The following TACR3 variants were observed in gnomAD, a reference collection of about 807,000 sequenced individuals.
The protein encoded by TACR3 is tachykinin receptor 3.
A neutral mutation model predicts 35.0 loss-of-function variants in TACR3; 34 were observed. The ratio of observed to expected loss-of-function variants is 0.97; its 90% confidence interval spans 0.74 to 1.30. The LOEUF (loss-of-function observed/expected upper bound fraction) is 1.30, where lower values mean the gene tolerates loss of function less well. Ranked by LOEUF, TACR3 falls within the 50% of genes most tolerant of loss-of-function variation. The pLI, the probability that TACR3 is intolerant of heterozygous loss-of-function variation, is 0.00. For synonymous variants in TACR3, 233 were observed against 221.1 expected (o/e 1.05, Z -0.48); for missense variants, 558 against 591.7 (o/e 0.94, Z 0.59).
chr4:103,694,354 T>C (rs1411134521), intron 1 of TACR3, among the ~76,000 whole-genome samples: 1 of 144,300 alleles, frequency 6.9e-6, no homozygotes, highest in East Asian at 1.9e-4. Context: ...TGAAGATTAC[T>C]TCATGGTAGT....
Position 103,656,343 on chromosome 4 carries a change from A to T in TACR3, c.739T>A (p.Tyr247Asn). 6.2e-7 allele frequency: 1 copy of T among 1,612,106 alleles called. No individual in the cohort carries two copies. Among genetic ancestry groups the T allele is most frequent in the Non-Finnish European group, 8.5e-7 (1 of 1,178,658 alleles). ...ACCAGTATAATGACGATAATATGGT[A>T]ACTATGAAAAATAAGAAAAACACAT... Reference protein sequence around the residue: ...WPEGPKQHFTYHIIVIILVYC... With the variant: ...WPEGPKQHFTNHIIVIILVYC... Residue 247 changes from tyrosine (Y) to asparagine (N), a missense_variant and splice_region_variant, in exon 3 of 5, where the codon TAC becomes AAC. Coordinates refer to ENST00000304883, the MANE Select transcript of TACR3 (RefSeq NM_001059.3).
At chr4:103,676,627 C>T (rs1460581894) in intron 1 of TACR3, among the ~76,000 whole-genome samples, 3 of 152,148 alleles carry the variant, frequency 2.0e-5, no homozygotes, top group Non-Finnish European at 4.4e-5. Flanking sequence ...AAAGGATTCT[C>T]TATTTCATAA....
intron 3 of TACR3, among the ~76,000 whole-genome samples, chr4:103,633,010 T>C (rs993493583): frequency 5.3e-5 from 8 of 151,646 alleles, no homozygotes; most frequent in African/African-American, 1.9e-4. Context: ...AAAGTGTTAG[T>C]ATGATGATAT....
At position 103,587,317 on chromosome 4, in the gene TACR3, G is replaced by GAATTT. The variant is rs1336768433; in HGVS notation, c.*2364_*2365insAAATT. On this transcript the variant is annotated 3_prime_UTR_variant, in exon 5 of 5. Transcript: ENST00000304883. ...TAAAAAATTCTGCCTATAGGTCTCA[G>GAATTT]TTTAAGGGCCATGAGTAGTGAGTGA... The GAATTT allele has an allele frequency of 6.6e-6, 1 of 152,020 alleles. No individual in the cohort carries two copies. Among genetic ancestry groups the GAATTT allele is most frequent in the Non-Finnish European group, 1.5e-5 (1 of 67,982 alleles). The allele number at this position is 152,020 out of a possible 1,614,324, so 9.4% of individuals were successfully genotyped here.
intron 3 of TACR3, among the ~76,000 whole-genome samples, chr4:103,649,860 G>A (rs187373093): frequency 6.6e-6 from 1 of 152,158 alleles, no homozygotes; most frequent in East Asian, 1.9e-4. Context: ...TTAGTTCATT[G>A]CATGAGGTCA....
intron 3 of TACR3, among the ~76,000 whole-genome samples, chr4:103,602,670 C>T (rs760296510): frequency 3.3e-5 from 5 of 152,140 alleles, no homozygotes; most frequent in Non-Finnish European, 5.9e-5. Flanking sequence ...ACCCTGTTTG[C>T]CTGGGTATCA....
intron 1 of TACR3, among the ~76,000 whole-genome samples, chr4:103,695,830 G>A (rs543321911): frequency 5.9e-5 from 9 of 151,612 alleles, no homozygotes; most frequent in Non-Finnish European, 1.0e-4. Context: ...ATTGTAGTTC[G>A]CCAAGAATTC....
intron 1 of TACR3, among the ~76,000 whole-genome samples, chr4:103,686,751 C>A (rs917505947): frequency 6.6e-6 from 1 of 152,068 alleles, no homozygotes; most frequent in East Asian, 1.9e-4. Context: ...ACCATTAATA[C>A]GTTTAGAGAA....
At chr4:103,604,527 A>G (rs929809651) in intron 3 of TACR3, among the ~76,000 whole-genome samples, 13 of 152,226 alleles carry the variant, frequency 8.5e-5, no homozygotes, top group Admixed American at 5.9e-4. Flanking sequence ...AACAAAAGCC[A>G]AAATTGACAA....
intron 1 of TACR3, among the ~76,000 whole-genome samples, chr4:103,696,351 G>A (rs531740494): frequency 6.6e-6 from 1 of 151,852 alleles, no homozygotes; most frequent in South Asian, 2.1e-4. Flanking sequence ...AATACATAGA[G>A]AAATGAAAAA....
chr4:103,706,329 A>G (rs982482983), intron 1 of TACR3, among the ~76,000 whole-genome samples: 6 of 152,166 alleles, frequency 3.9e-5, no homozygotes, highest in African/African-American at 1.4e-4. Flanking sequence ...TGCTTCTTTG[A>G]GTTTTAAGCC....
At chr4:103,631,133 C>T (rs1405458237) in intron 3 of TACR3, among the ~76,000 whole-genome samples, 2 of 152,014 alleles carry the variant, frequency 1.3e-5, no homozygotes, top group Non-Finnish European at 2.9e-5. Flanking sequence ...ACGATGAGAA[C>T]ACTGGGACAC....
chr4:103,676,776 C>T (rs1726180366), intron 1 of TACR3, among the ~76,000 whole-genome samples: 1 of 152,096 alleles, frequency 6.6e-6, no homozygotes, highest in African/African-American at 2.4e-5. Context: ...ACAATCTAGG[C>T]AATACCATTC....
At chr4:103,608,310 A>G (rs769362297) in intron 3 of TACR3, among the ~76,000 whole-genome samples, 15 of 152,132 alleles carry the variant, frequency 9.9e-5, no homozygotes, top group Non-Finnish European at 1.6e-4. Flanking sequence ...ACCGAAATAG[A>G]AAACGAGATA....
chr4:103,675,710 G>A (rs1488565294), intron 1 of TACR3, among the ~76,000 whole-genome samples: 9 of 152,120 alleles, frequency 5.9e-5, no homozygotes, highest in Non-Finnish European at 1.5e-5. Flanking sequence ...ACTCCTGAAA[G>A]GAAGGAGTGG....
In TACR3 at chr4:103,623,400, A is replaced by G. The variant is rs1000068055; in HGVS notation, c.889-31717T>C. Among the ~76,000 whole-genome samples, 28 of 151,246 alleles carry G rather than the reference A, an allele frequency of 1.9e-4. 1 individual carries two copies. Among genetic ancestry groups the G allele is most frequent in the Non-Finnish European group, 3.0e-5 (2 of 67,372 alleles). ...TTTTCTCTATTTTTTTTTAATTAAC[A>G]ACTTCATATGCTGGAAAATAGTTTT... On this transcript the variant is annotated intron_variant, in intron 3 of 4. Coordinates refer to ENST00000304883, the MANE Select transcript of TACR3 (RefSeq NM_001059.3).
intron 1 of TACR3, among the ~76,000 whole-genome samples, chr4:103,707,396 C>T (rs539240526): frequency 6.6e-6 from 1 of 152,294 alleles, no homozygotes; most frequent in Admixed American, 6.5e-5. Context: ...ATATATATAA[C>T]AACCTGGTCT....
chr4:103,657,477 A>G (rs1725754417), intron 2 of TACR3, among the ~76,000 whole-genome samples: 1 of 152,102 alleles, frequency 6.6e-6, no homozygotes, highest in Non-Finnish European at 1.5e-5. Flanking sequence ...AACTTTGGGT[A>G]GAGCAAAGGT....
chr4:103,674,696 C>CG (rs1726128397), intron 1 of TACR3, among the ~76,000 whole-genome samples: 1 of 152,146 alleles, frequency 6.6e-6, no homozygotes, highest in Non-Finnish European at 1.5e-5. Context: ...AGACTGCAGG[C>CG]GCACACCTCC....
Sources: allele counts gnomAD v4.1 joint callset (sites outside exome capture counted in the v4.1 genomes callset), GRCh38; gene constraint gnomAD v4.1.1; transcripts MANE v1.5; gene names NCBI Gene and HGNC (gene_info 2026-07-23, HGNC 2026-07-21).